RIMS2: variants seen among roughly 807,000 people sequenced by gnomAD.
RIMS2 encodes the protein regulating synaptic membrane exocytosis protein 2.
A neutral mutation model predicts 174.4 loss-of-function variants in RIMS2; 59 were observed. That is an observed-to-expected ratio of 0.34 (90% confidence interval 0.27 to 0.42). The LOEUF (loss-of-function observed/expected upper bound fraction) is 0.42. Among genes scored for constraint, RIMS2 ranks in the 10% least tolerant of loss-of-function variants. The probability of loss-of-function intolerance (pLI) is 1.00; values close to 1 mark genes in which losing one functional copy is unlikely to be tolerated. For missense variants in RIMS2, 1,620 were observed against 1,666.3 expected (o/e 0.97, Z 0.48); for synonymous variants, 606 against 572.5 (o/e 1.06, Z -0.84).
chr8:103,679,863 A>G (rs1212044208), intron 1 of RIMS2, among the ~76,000 whole-genome samples: 1 of 152,096 alleles, frequency 6.6e-6, no homozygotes, highest in East Asian at 1.9e-4. Flanking sequence ...GAATTTGCAA[A>G]ATATGGCCTG....
intron 3 of RIMS2, among the ~76,000 whole-genome samples, chr8:103,823,277 T>C (rs552633507): frequency 9.2e-5 from 14 of 151,994 alleles, no homozygotes; most frequent in Non-Finnish European, 1.9e-4. Flanking sequence ...TAGACTTTCA[T>C]ATTTAAAAGT....
At chr8:103,916,634 T>A in intron 8 of RIMS2, 97 bp downstream of exon 11, 1 of 974,090 alleles carries the variant, frequency 1.0e-6, no homozygotes, top group Non-Finnish European at 1.5e-6. Flanking sequence ...TTTATGGAAA[T>A]GAATTATTTT....
At chr8:103,858,611 G>A (rs1171406818) in intron 3 of RIMS2, among the ~76,000 whole-genome samples, 1 of 150,912 alleles carries the variant, frequency 6.6e-6, no homozygotes, top group Non-Finnish European at 1.5e-5. Context: ...GTCTGTGTGT[G>A]TGTGTATATA....
chr8:103,952,429 C>T (rs1232452374), intron 14 of RIMS2, among the ~76,000 whole-genome samples: 7 of 152,260 alleles, frequency 4.6e-5, no homozygotes, highest in South Asian at 2.1e-4. Context: ...CATCAATCTT[C>T]GCTGATCTGC....
At chr8:103,728,460 A>G (rs1193038697) in intron 2 of RIMS2, among the ~76,000 whole-genome samples, 2 of 152,104 alleles carry the variant, frequency 1.3e-5, no homozygotes, top group African/African-American at 4.8e-5. Context: ...GACTTCCAGT[A>G]CTATGTTGAA....
chr8:103,718,529 T>G (rs1029236890), intron 2 of RIMS2, among the ~76,000 whole-genome samples: 5 of 152,318 alleles, frequency 3.3e-5, no homozygotes, highest in African/African-American at 1.2e-4. Flanking sequence ...TTAGATTTTA[T>G]AACTAGATGA....
At chr8:104,128,089 C>A (rs1009856763) in intron 19 of RIMS2, among the ~76,000 whole-genome samples, 5 of 152,128 alleles carry the variant, frequency 3.3e-5, no homozygotes, top group African/African-American at 4.8e-5. Flanking sequence ...GGAGTTTCTT[C>A]TGAGGCAATT....
chr8:104,115,440 T>C (rs555745951), intron 19 of RIMS2, among the ~76,000 whole-genome samples: 3 of 152,264 alleles, frequency 2.0e-5, no homozygotes, highest in African/African-American at 7.2e-5. Flanking sequence ...CTTTAATTAT[T>C]TTTAACAATA....
intron 1 of RIMS2, among the ~76,000 whole-genome samples, chr8:103,627,177 A>G (rs2095806191): frequency 6.6e-6 from 1 of 152,152 alleles, no homozygotes; most frequent in Non-Finnish European, 1.5e-5. Flanking sequence ...AATTATTAAT[A>G]TTCCTTGCTG....
rs924579786 is a variant in RIMS2 at position 103,568,570 on chromosome 8, A to G, written c.176+67508A>G. On this transcript the variant is annotated intron_variant, in intron 1 of 23. Transcript: ENST00000504942. ...GCTATAAGTCTGGAAGAGACTGGCC[A>G]TGGGTACTACTTCTTGTCTTCAGCT... 7.9e-5 allele frequency: 39 copies of G among 493,788 alleles called. No individual in the cohort carries two copies. In the East Asian group the frequency reaches 9.7e-4, roughly 12 times the overall value. 30.6% of individuals were successfully genotyped at this position (493,788 alleles called of 1,614,324 possible).
At chr8:103,917,693 CAT>C (rs2076866560) in intron 8 of RIMS2, among the ~76,000 whole-genome samples, 1 of 152,014 alleles carries the variant, frequency 6.6e-6, no homozygotes, top group South Asian at 2.1e-4. Context: ...CCATAAGAAA[CAT>C]GTTTGCCTTT....
chr8:103,979,638 A>G (rs892416808), intron 16 of RIMS2, among the ~76,000 whole-genome samples: 1 of 152,226 alleles, frequency 6.6e-6, no homozygotes, highest in Non-Finnish European at 1.5e-5. Context: ...AGGTGAGCAA[A>G]CACAGTACCT....
chr8:103,913,770 A>C (rs1304400423), intron 6 of RIMS2, among the ~76,000 whole-genome samples: 1 of 152,056 alleles, frequency 6.6e-6, no homozygotes, highest in East Asian at 1.9e-4. Context: ...GTGGGAAGCA[A>C]GGTGCCACAT....
intron 14 of RIMS2, among the ~76,000 whole-genome samples, chr8:103,960,382 A>G (rs1361712506): frequency 6.6e-6 from 1 of 152,204 alleles, no homozygotes; most frequent in African/African-American, 2.4e-5. Flanking sequence ...AATAACTATG[A>G]GTGCCTTTCC....
intron 9 of RIMS2, 53 bp downstream of exon 12, chr8:103,918,540 A>T: frequency 8.3e-7 from 1 of 1,208,182 alleles, no homozygotes. Flanking sequence ...CATTCATCAG[A>T]GATCAGATGA....
At chr8:103,501,284 G>C (rs1346686722) in intron 1 of RIMS2, 2 of 202,626 alleles carry the variant, frequency 9.9e-6, no homozygotes, top group African/African-American at 7.9e-5. Context: ...GCTGAGGTGA[G>C]GGTGGCGAGC....
chr8:103,572,177 C>G (rs1215762742), intron 1 of RIMS2, among the ~76,000 whole-genome samples: 2 of 152,092 alleles, frequency 1.3e-5, no homozygotes, highest in African/African-American at 4.8e-5. Flanking sequence ...TGCAGACCTT[C>G]TTAGCAAGTG....
intron 19 of RIMS2, among the ~76,000 whole-genome samples, chr8:104,214,608 C>T (rs1197736822): frequency 6.6e-6 from 1 of 152,088 alleles, no homozygotes; most frequent in Non-Finnish European, 1.5e-5. Flanking sequence ...CCACCACACC[C>T]AGCTAATTTT....
intron 19 of RIMS2, among the ~76,000 whole-genome samples, chr8:104,034,645 T>G (rs2096476220): frequency 6.6e-6 from 1 of 151,790 alleles, no homozygotes; most frequent in Admixed American, 6.6e-5. Flanking sequence ...AATTTTTGTA[T>G]TTTTAGTAGA....
Sources: gnomAD v4.1 joint callset for allele counts (sites outside exome capture counted in the v4.1 genomes callset) on GRCh38, gnomAD v4.1.1 for gene constraint, MANE v1.5 for transcripts, NCBI Gene and HGNC (gene_info 2026-07-23, HGNC 2026-07-21) for gene names.